DPP6: variants seen among roughly 807,000 people sequenced by gnomAD.
The protein encoded by DPP6 is dipeptidyl peptidase like 6.
Under a neutral mutation model 122.6 loss-of-function variants are expected in DPP6, and 69 were observed. The observed-to-expected ratio is 0.56, with a 90% CI of 0.46 to 0.69. DPP6 has a LOEUF of 0.69. Among genes scored for constraint, DPP6 ranks in the 30% least tolerant of loss-of-function variants. DPP6 has a pLI of 0.00. For missense variants in DPP6, 928 were observed against 1,116.9 expected (o/e 0.83, Z 2.41); for synonymous variants, 418 against 433.1 (o/e 0.97, Z 0.43).
At chr7:154,313,714 T>TATATATATATATATATATGCATACAC (rs1177234778) in intron 1 of DPP6, among the ~76,000 whole-genome samples, 1 of 17,786 alleles carries the variant, frequency 5.6e-5, no homozygotes, top group African/African-American at 1.6e-4. Flanking sequence ...TATATATATA[T>TATATATATATATATATATGCATACAC]ACACACACAC....
chr7:154,342,751 T>G lies in DPP6; in HGVS notation c.244-103463T>G, dbSNP rs185872627. 1.8e-3 allele frequency among the ~76,000 whole-genome samples: 273 copies of G among 152,290 alleles called. 1 individual carries two copies. The highest frequency in any genetic ancestry group is 6.3e-3 in the African/African-American group (261 of 41,558). On this transcript the variant is annotated intron_variant, in intron 1 of 25. Coordinates refer to ENST00000377770, the MANE Select transcript of DPP6 (RefSeq NM_130797.4). ...GAAACCATAAATGAATTAGATCACT[T>G]TTTTCCTTCCAAATGCGAGATTCCA...
chr7:153,958,341 G>C (rs1795163656), intron 1 of DPP6, among the ~76,000 whole-genome samples: 1 of 152,116 alleles, frequency 6.6e-6, no homozygotes, highest in African/African-American at 2.4e-5. Context: ...CTGAAGCGTT[G>C]CCTCATTCCC....
chr7:154,134,027 A>G (rs1242595085), intron 1 of DPP6, among the ~76,000 whole-genome samples: 1 of 151,748 alleles, frequency 6.6e-6, no homozygotes, highest in Non-Finnish European at 1.5e-5. Context: ...TGCAGGTTCA[A>G]AAGGCTAATT....
At chr7:154,410,332 AG>A in intron 1 of DPP6, among the ~76,000 whole-genome samples, 1 of 152,372 alleles carries the variant, frequency 6.6e-6, no homozygotes, top group African/African-American at 2.4e-5. Context: ...AGCAATAAAA[AG>A]GTTTACAGAA....
chr7:154,542,156 G>T lies in DPP6; in HGVS notation c.552+1530G>T, dbSNP rs1828780096. On this transcript the variant is annotated intron_variant, in intron 4 of 25. Transcript: ENST00000377770. ...TAAGGGAGGCCTCACGCTGTTGGAT[G>T]ATGGCATAGTTCCAAAAATGATCAC... Among the ~76,000 whole-genome samples, 6 of 152,272 alleles carry T rather than the reference G, an allele frequency of 3.9e-5. No homozygotes were observed. In the South Asian group the frequency reaches 1.2e-3, roughly 32 times the overall value.
intron 7 of DPP6, among the ~76,000 whole-genome samples, chr7:154,693,348 T>C (rs1840039557): frequency 6.6e-6 from 1 of 152,204 alleles, no homozygotes; most frequent in East Asian, 1.9e-4. Flanking sequence ...CACCAAGTGA[T>C]ATTTTTCAGC....
intron 16 of DPP6, among the ~76,000 whole-genome samples, chr7:154,809,715 A>G (rs1370116149): frequency 6.6e-6 from 1 of 152,230 alleles, no homozygotes; most frequent in Admixed American, 6.5e-5. Context: ...TCAAAGTTGT[A>G]TCTTGAGACA....
intron 1 of DPP6, among the ~76,000 whole-genome samples, chr7:154,443,055 C>T (rs1025895358): frequency 1.2e-4 from 19 of 152,192 alleles, no homozygotes; most frequent in African/African-American, 4.1e-4. Context: ...CCTTACTGCC[C>T]CCACTCCTCA....
chr7:154,559,948 A>ATATAGT (rs1830311390), intron 4 of DPP6, among the ~76,000 whole-genome samples: 1 of 143,548 alleles, frequency 7.0e-6, no homozygotes, highest in East Asian at 2.0e-4. Flanking sequence ...AAAGATATAG[A>ATATAGT]TATATATAAG....
chr7:153,749,207 T>C, the DPP6 span, among the ~76,000 whole-genome samples: 1 of 152,174 alleles, frequency 6.6e-6, no homozygotes, highest in Non-Finnish European at 1.5e-5. This position sits in a 1 kb window ranked among gnomAD's most constrained non-coding sequence, Gnocchi z 4.1. Flanking sequence ...TGCTGTTTTG[T>C]AGACCCGCGG....
chr7:154,061,269 C>A (rs1342399678), intron 1 of DPP6, among the ~76,000 whole-genome samples: 307 of 149,058 alleles, frequency 2.1e-3, no homozygotes, highest in African/African-American at 7.0e-3. Flanking sequence ...CCAACAACAG[C>A]AAGTTTTTCA....
chr7:153,886,112 TACACACACACACACACACACACACACAC>T (rs60245538), upstream of DPP6, among the ~76,000 whole-genome samples: 1 of 140,414 alleles, frequency 7.1e-6, no homozygotes, highest in Non-Finnish European at 1.5e-5. Flanking sequence ...GGCACGCCCT[TACACACACACACACACACACACACACAC>T]ACACACACAC....
chr7:154,759,283 A>G (rs945644775), intron 8 of DPP6, among the ~76,000 whole-genome samples: 2 of 152,224 alleles, frequency 1.3e-5, no homozygotes, highest in Non-Finnish European at 2.9e-5. Context: ...TCCTCCCCGA[A>G]GAGGAGCCAC....
rs1392194165 is a variant in DPP6, at chr7:154,607,386, CCCGTCT to C, written c.628-30433_628-30428del. On this transcript the variant is annotated intron_variant, in intron 5 of 25. Transcript: ENST00000377770. Reference sequence around the variant, plus strand: ...CATCCTGGCTAACACGCTGAAACCCCCCGTCTCTACTAAAAATACAAAAAATTAGCT... The same window carrying C: ...CATCCTGGCTAACACGCTGAAACCCCCTACTAAAAATACAAAAAATTAGCT... 4.3e-5 allele frequency among the ~76,000 whole-genome samples: 5 copies of C among 115,376 alleles called. 2 individuals are homozygous for C. In the East Asian group the frequency reaches 1.9e-3, roughly 44 times the overall value. 75.7% of individuals were successfully genotyped at this position (115,376 alleles called of 152,430 possible). A position where few individuals can be genotyped will look rare whatever the true frequency, so the allele number is the denominator to read the frequency against.
chr7:154,552,612 T>G (rs1563843272), intron 4 of DPP6, among the ~76,000 whole-genome samples: 1 of 152,152 alleles, frequency 6.6e-6, no homozygotes, highest in Non-Finnish European at 1.5e-5. Flanking sequence ...ACCATAATGT[T>G]GACAGAAATT....
At chr7:153,819,060 TTTTC>T in the DPP6 span, among the ~76,000 whole-genome samples, 1 of 124,352 alleles carries the variant, frequency 8.0e-6, no homozygotes, top group Non-Finnish European at 1.6e-5. Flanking sequence ...TTTTTTTTTT[TTTTC>T]CCCTTTTCTT....
the DPP6 span, among the ~76,000 whole-genome samples, chr7:153,860,262 T>G: frequency 6.6e-6 from 1 of 152,136 alleles, no homozygotes; most frequent in Non-Finnish European, 1.5e-5. Flanking sequence ...ATCTCCACCA[T>G]GTTGGGGCTG....
chr7:154,218,324 A>G (rs959155517), intron 1 of DPP6, among the ~76,000 whole-genome samples: 7 of 152,206 alleles, frequency 4.6e-5, no homozygotes, highest in African/African-American at 1.4e-4. Flanking sequence ...CCAGGCTTAC[A>G]GAGTACCTTC....
At chr7:154,594,735 A>G (rs911196157) in intron 5 of DPP6, among the ~76,000 whole-genome samples, 2 of 152,208 alleles carry the variant, frequency 1.3e-5, no homozygotes, top group African/African-American at 4.8e-5. Context: ...TTGAACTTAC[A>G]GTAAACGATC....
Sources: gnomAD v4.1 joint callset for allele counts (sites outside exome capture counted in the v4.1 genomes callset) on GRCh38, gnomAD v4.1.1 for gene constraint, Gnocchi (gnomAD v3.1) non-coding constraint, MANE v1.5 for transcripts, NCBI Gene and HGNC (gene_info 2026-07-23, HGNC 2026-07-21) for gene names.